EIF4G3: variants seen among roughly 807,000 people sequenced by gnomAD.
EIF4G3 encodes eukaryotic translation initiation factor 4 gamma 3, also known as eIF-4-gamma 3.
In EIF4G3, 34 loss-of-function variants were observed where a neutral mutation model predicts 186.4. That is an observed-to-expected ratio of 0.18 (90% CI 0.14 to 0.24). The LOEUF (loss-of-function observed/expected upper bound fraction) is 0.24, where lower values mean the gene tolerates loss of function less well. Ranked by LOEUF, EIF4G3 falls within the 10% of genes least tolerant of loss-of-function variation. The probability of loss-of-function intolerance (pLI) is 1.00; values close to 1 mark genes in which losing one functional copy is unlikely to be tolerated. For missense variants in EIF4G3, 1,536 were observed against 1,948.5 expected (o/e 0.79, Z 3.99); for synonymous variants, 673 against 679.5 (o/e 0.99, Z 0.15).
intron 4 of EIF4G3, among the ~76,000 whole-genome samples, chr1:21,005,875 T>C (rs770523587): frequency 4.6e-5 from 7 of 152,198 alleles, no homozygotes; most frequent in Non-Finnish European, 1.0e-4. Context: ...AGTACTTCTT[T>C]TTATATTTAC....
chr1:20,837,588 A>T (rs1314253104), intron 30 of EIF4G3, among the ~76,000 whole-genome samples: 2 of 152,188 alleles, frequency 1.3e-5, no homozygotes, highest in African/African-American at 2.4e-5. Context: ...TCAGAAGTTG[A>T]CATCTAAGCA....
intron 4 of EIF4G3, among the ~76,000 whole-genome samples, chr1:21,007,006 T>A (rs1449733048): frequency 2.0e-5 from 3 of 152,218 alleles, no homozygotes; most frequent in African/African-American, 7.2e-5. Flanking sequence ...TGCCATCACC[T>A]AAACTAAATT....
intron 24 of EIF4G3, among the ~76,000 whole-genome samples, chr1:20,858,726 G>A (rs1193570019): frequency 1.3e-5 from 2 of 152,188 alleles, no homozygotes; most frequent in Non-Finnish European, 2.9e-5. Context: ...GCCGTGTGCG[G>A]TGGCTCACGC....
chr1:21,024,700 G>GGA (rs2091766972), intron 4 of EIF4G3, among the ~76,000 whole-genome samples: 1 of 150,032 alleles, frequency 6.7e-6, no homozygotes, highest in South Asian at 2.1e-4. Context: ...CAGCATGCTC[G>GGA]TTAAGAGTCA....
At chr1:21,159,598 A>G (rs2097724386) in intron 2 of EIF4G3, among the ~76,000 whole-genome samples, 1 of 151,992 alleles carries the variant, frequency 6.6e-6, no homozygotes, top group East Asian at 1.9e-4. Context: ...AAATTAGCCA[A>G]GCGTGGTGGC....
At chr1:21,118,118 G>A (rs2096861109) in intron 2 of EIF4G3, among the ~76,000 whole-genome samples, 1 of 152,098 alleles carries the variant, frequency 6.6e-6, no homozygotes, top group Non-Finnish European at 1.5e-5. Context: ...AAGTTATTAA[G>A]AAATTTCATG....
chr1:21,091,054 T>C (rs763835997), intron 2 of EIF4G3, among the ~76,000 whole-genome samples: 3 of 152,226 alleles, frequency 2.0e-5, no homozygotes, highest in Non-Finnish European at 2.9e-5. Context: ...TTCTAAACTA[T>C]ACCCTATTTC....
intron 33 of EIF4G3, among the ~76,000 whole-genome samples, chr1:20,818,506 G>T (rs1005091883): frequency 6.6e-6 from 1 of 152,128 alleles, no homozygotes; most frequent in Non-Finnish European, 1.5e-5. Context: ...GCCAGGTGTT[G>T]TGGCATGCGC....
At chr1:21,062,861 G>C (rs113113414) in intron 3 of EIF4G3, among the ~76,000 whole-genome samples, 10 of 152,230 alleles carry the variant, frequency 6.6e-5, no homozygotes, top group African/African-American at 2.2e-4. Context: ...AAAGTGCTAG[G>C]ATTACAGGCG....
chr1:20,910,454 G>A (rs1399951497), intron 14 of EIF4G3, among the ~76,000 whole-genome samples: 1 of 151,996 alleles, frequency 6.6e-6, no homozygotes, highest in East Asian at 1.9e-4. Flanking sequence ...CGTGGTGGCA[G>A]GCCCCCGTAA....
chr1:21,163,272 G>A (rs1400439029), intron 2 of EIF4G3, among the ~76,000 whole-genome samples: 1 of 152,104 alleles, frequency 6.6e-6, no homozygotes, highest in South Asian at 2.1e-4. Flanking sequence ...CAATATAAAA[G>A]GTAATAAGCT....
At chr1:21,116,579 T>C (rs1180834588) in intron 2 of EIF4G3, among the ~76,000 whole-genome samples, 2 of 152,126 alleles carry the variant, frequency 1.3e-5, no homozygotes, top group Non-Finnish European at 2.9e-5. Flanking sequence ...GGCTCACACC[T>C]GTAATCCCAG....
intron 4 of EIF4G3, among the ~76,000 whole-genome samples, chr1:21,030,952 G>A (rs1048034007): frequency 6.6e-6 from 1 of 152,168 alleles, no homozygotes; most frequent in Non-Finnish European, 1.5e-5. Context: ...TTGGGAGGCT[G>A]AAGTGGGTGG....
At chr1:20,875,251 T>C (rs188953497) in intron 20 of EIF4G3, among the ~76,000 whole-genome samples, 1 of 152,358 alleles carries the variant, frequency 6.6e-6, no homozygotes, top group East Asian at 1.9e-4. Flanking sequence ...TCCAAAGTGT[T>C]GACACTGTAG....
intron 34 of EIF4G3, among the ~76,000 whole-genome samples, chr1:20,816,795 T>C (rs1390358803): frequency 1.1e-5 from 1 of 93,022 alleles, no homozygotes; most frequent in Non-Finnish European, 2.3e-5. Flanking sequence ...TTTTGTGGAA[T>C]AGAAAGGCGG....
intron 2 of EIF4G3, among the ~76,000 whole-genome samples, chr1:21,131,739 T>C (rs924173735): frequency 1.3e-4 from 20 of 152,114 alleles, no homozygotes; most frequent in Middle Eastern, 6.3e-3. Context: ...CCCAGCACTT[T>C]TGGCTGGAGG....
chr1:20,991,569 T>TAA (rs11393266), intron 7 of EIF4G3, among the ~76,000 whole-genome samples: 64 of 142,560 alleles, frequency 4.5e-4, no homozygotes, highest in Non-Finnish European at 5.8e-4. Context: ...CTCTGTCTCA[T>TAA]AAAAAAAAAA....
intron 12 of EIF4G3, among the ~76,000 whole-genome samples, chr1:20,964,004 T>C (rs1367874785): frequency 6.6e-6 from 1 of 152,086 alleles, no homozygotes; most frequent in Non-Finnish European, 1.5e-5. Context: ...AATCTTGACA[T>C]GGCATCATGT....
At chr1:20,981,351 T>A (rs1558547202) in intron 8 of EIF4G3, 124 bp from the exon 9 acceptor site, 12 of 691,284 alleles carry the variant, frequency 1.7e-5, no homozygotes, top group Non-Finnish European at 2.5e-5. Flanking sequence ...ACAATATGCA[T>A]AAAAAGAATA....
Sources: allele counts gnomAD v4.1 joint callset (sites outside exome capture counted in the v4.1 genomes callset), GRCh38; gene constraint gnomAD v4.1.1; transcripts MANE v1.5; gene names NCBI Gene and HGNC (gene_info 2026-07-23, HGNC 2026-07-21).